The following TJP1 variants were observed in gnomAD, a reference collection of about 807,000 sequenced individuals.
TJP1 encodes the protein tight junction protein 1.
TJP1 carries 43 observed loss-of-function variants against 194.2 expected under a neutral mutation model. The ratio of observed to expected loss-of-function variants is 0.22; its 90% CI spans 0.17 to 0.29. The LOEUF (loss-of-function observed/expected upper bound fraction) is 0.29. TJP1 is among the 10% of genes least tolerant of loss of function. The probability of loss-of-function intolerance (pLI) is 1.00; values close to 1 mark genes in which losing one functional copy is unlikely to be tolerated. For synonymous variants in TJP1, 801 were observed against 779.0 expected (o/e 1.03, Z -0.47); for missense variants, 1,971 against 2,185.7 (o/e 0.90, Z 1.96).
chr15:29,890,678 T>C (rs534172400), intron 2 of TJP1, among the ~76,000 whole-genome samples: 159 of 152,094 alleles, frequency 1.0e-3, no homozygotes, highest in Non-Finnish European at 1.9e-3. Context: ...CAATAAAAAA[T>C]ATGTTGAAAA....
chr15:29,968,360 C>A, intron 1 of TJP1: 1 of 985,372 alleles, frequency 1.0e-6, no homozygotes, highest in Non-Finnish European at 1.2e-6. Flanking sequence ...CAGACAGAGG[C>A]GGGAGGCCGA....
chr15:29,775,817 T>C (rs923059830), intron 2 of TJP1, among the ~76,000 whole-genome samples: 5 of 152,024 alleles, frequency 3.3e-5, no homozygotes, highest in South Asian at 2.1e-4. Context: ...TGAGGAAATA[T>C]AGATGGCCAA....
chr15:29,802,653 A>G (rs2048863918), intron 1 of TJP1, among the ~76,000 whole-genome samples: 1 of 152,022 alleles, frequency 6.6e-6, no homozygotes, highest in Non-Finnish European at 1.5e-5. Context: ...CAATAGTATG[A>G]GTAAATCAGC....
intron 2 of TJP1, among the ~76,000 whole-genome samples, chr15:29,870,793 C>G (rs917785073): frequency 1.3e-5 from 2 of 152,192 alleles, no homozygotes; most frequent in Non-Finnish European, 2.9e-5. Flanking sequence ...GAAACAGCAG[C>G]TTATCTCTTA....
intron 12 of TJP1, 38 bp from the exon 13 acceptor site, chr15:29,733,351 G>C: frequency 7.2e-7 from 1 of 1,379,548 alleles, no homozygotes; most frequent in Non-Finnish European, 1.0e-6. Flanking sequence ...TCAATATTTA[G>C]TGGGATAACA....
chr15:29,722,271 A>C (rs773644856), intron 18 of TJP1, among the ~76,000 whole-genome samples: 1 of 152,148 alleles, frequency 6.6e-6, no homozygotes, highest in Non-Finnish European at 1.5e-5. Context: ...CCTAGGAGGG[A>C]AAAAATGGTT....
In TJP1 at chr15:29,705,515, T is replaced by G; in HGVS notation, c.5068+13A>C. 2 of 1,613,646 alleles carry G rather than the reference T, an allele frequency of 1.2e-6. No homozygotes were observed. The highest frequency in any genetic ancestry group is 1.7e-6 in the Non-Finnish European group (2 of 1,179,854). ...AAGTTATCAAAACTAAGGAGAAAAA[T>G]AAACACATTTACCTTTCTCTTTATC... On this transcript the variant is annotated intron_variant, in intron 26 of 27. Transcript: ENST00000614355.
In TJP1 at chr15:29,701,703, G is replaced by C. The variant is rs1053355400; in HGVS notation, c.5213-14C>G. ...TTTTAGGATCACCTATGAGAGAAAA[G>C]AAGTTGATGTCATTTACAGTTCAGT... On this transcript the variant is annotated splice_polypyrimidine_tract_variant and intron_variant, in intron 27 of 27. Transcript: ENST00000614355. The C allele has an allele frequency of 6.3e-7, 1 of 1,598,412 alleles. No individual in the cohort carries two copies.
At chr15:29,968,822 C>T (rs1202427521) in exon 1 of TJP1, 1 of 1,069,412 alleles carries the variant, frequency 9.4e-7, no homozygotes, top group Non-Finnish European at 1.2e-6. Flanking sequence ...GCAGACACAG[C>T]CCCTCCAGGC....
chr15:29,889,364 A>C (rs1474553233), intron 2 of TJP1, among the ~76,000 whole-genome samples: 1 of 152,246 alleles, frequency 6.6e-6, no homozygotes, highest in African/African-American at 2.4e-5. Flanking sequence ...CATTTTAAAT[A>C]CTTAAAATAT....
chr15:29,718,460 G>A lies in TJP1; in HGVS notation c.3682C>T (p.Pro1228Ser). 6.2e-7 allele frequency: 1 copy of A among 1,614,190 alleles called. No individual in the cohort carries two copies. Among genetic ancestry groups the A allele is most frequent in the Non-Finnish European group, 8.5e-7 (1 of 1,180,026 alleles). The part of the protein sequence containing the change: ...HGAAAVPPLI[P>S]SSQHKPEALP... ...GCTTCTGGCTTATGCTGAGATGAAG[G>A]TATCAGCGGAGGGACAGCTGCAGCA... The change falls in exon 21 of 28, where the codon CCT (proline) becomes TCT (serine). Residue 1228 changes from proline to serine, a missense_variant. By Grantham distance (74) the Pro-to-Ser change is moderately conservative. Around this residue, in one of 5 missense-constraint regions of TJP1, gnomAD observed 1,108 missense variants for 1,128.5 expected, o/e 0.98. Coordinates refer to ENST00000614355, the MANE Select transcript of TJP1 (RefSeq NM_001330239.4).
intron 2 of TJP1, among the ~76,000 whole-genome samples, chr15:29,782,858 T>A (rs1180675561): frequency 7.9e-6 from 1 of 126,202 alleles, no homozygotes; most frequent in African/African-American, 3.0e-5. Flanking sequence ...ACAACCCCCA[T>A]TAGAAAGTGG....
chr15:29,748,179 T>C (rs904284738), intron 8 of TJP1, among the ~76,000 whole-genome samples: 5 of 152,226 alleles, frequency 3.3e-5, no homozygotes, highest in Non-Finnish European at 7.3e-5. Context: ...TTATAAATTT[T>C]ATTACTCAAT....
At chr15:29,851,835 T>C (rs1398228607) in intron 2 of TJP1, among the ~76,000 whole-genome samples, 1 of 152,198 alleles carries the variant, frequency 6.6e-6, no homozygotes, top group Admixed American at 6.5e-5. Context: ...CTATATCATA[T>C]ATGTCCAACT....
rs2041847983 is a variant in TJP1 at position 29,705,648 on chromosome 15, T to C, written c.4948A>G (p.Ile1650Val). Residue 1650 changes from isoleucine to valine, a missense_variant, in exon 26 of 28, where the codon ATA (isoleucine) becomes GTA (valine). Physicochemically the swap from Ile to Val is conservative, Grantham distance 29. Coordinates refer to ENST00000614355, the MANE Select transcript of TJP1 (RefSeq NM_001330239.4). ...ATAATTATACTAACACCAGTTTCTA[T>C]GGAACTCAGCACGCCCCCATTGCTG... Reference protein sequence around the residue: ...FNSNGGVLSSIETGVSIIIPQ... With the variant: ...FNSNGGVLSSVETGVSIIIPQ... 1.2e-6 allele frequency: 2 copies of C among 1,614,214 alleles called. No individual in the cohort carries two copies. Among genetic ancestry groups the C allele is most frequent in the Non-Finnish European group, 1.7e-6 (2 of 1,180,050 alleles).
At chr15:29,883,510 C>T (rs192510559) in intron 2 of TJP1, among the ~76,000 whole-genome samples, 1 of 152,224 alleles carries the variant, frequency 6.6e-6, no homozygotes, top group East Asian at 1.9e-4. Context: ...CTCCTACATT[C>T]CTCACAGCAA....
At chr15:29,892,239 G>A (rs1567171587) in intron 2 of TJP1, among the ~76,000 whole-genome samples, 1 of 152,206 alleles carries the variant, frequency 6.6e-6, no homozygotes, top group African/African-American at 2.4e-5. Context: ...CTTCAATTCT[G>A]TGAAGGCTAA....
intron 8 of TJP1, among the ~76,000 whole-genome samples, chr15:29,749,390 T>C (rs1486006109): frequency 6.6e-6 from 1 of 152,176 alleles, no homozygotes; most frequent in Non-Finnish European, 1.5e-5. Context: ...TCAATTAGAT[T>C]AGCAAGGAGT....
intron 1 of TJP1, among the ~76,000 whole-genome samples, chr15:29,957,176 GACA>G (rs1381291782): frequency 6.6e-6 from 1 of 152,080 alleles, no homozygotes; most frequent in Non-Finnish European, 1.5e-5. Flanking sequence ...TGAAAACACA[GACA>G]ACAAGAAGTA....
Sources: gnomAD v4.1 joint callset for allele counts (sites outside exome capture counted in the v4.1 genomes callset) on GRCh38, gnomAD v4.1.1 for gene constraint, gnomAD v4.1.1 regional missense constraint, MANE v1.5 for transcripts, NCBI Gene and HGNC (gene_info 2026-07-23, HGNC 2026-07-21) for gene names.